The following RAB3IP variants were observed in gnomAD, a reference collection of about 807,000 sequenced individuals.
RAB3IP encodes the protein rab-3A-interacting protein.
A neutral mutation model predicts 59.1 loss-of-function variants in RAB3IP; 36 were observed. That is an observed-to-expected ratio of 0.61 (90% CI 0.47 to 0.80). The LOEUF is 0.80. RAB3IP is among the 30% of genes least tolerant of loss of function. The probability of loss-of-function intolerance (pLI) is 0.00; values close to 1 mark genes in which losing one functional copy is unlikely to be tolerated. For missense variants in RAB3IP, 511 were observed against 536.0 expected (o/e 0.95, Z 0.46); for synonymous variants, 207 against 191.2 (o/e 1.08, Z -0.68).
chr12:69,775,277 T>C (rs1192670956), intron 3 of RAB3IP, among the ~76,000 whole-genome samples: 2 of 104,766 alleles, frequency 1.9e-5, no homozygotes, highest in Non-Finnish European at 3.8e-5. Flanking sequence ...CCTGAGACTT[T>C]GCTGAAGTTG....
intron 3 of RAB3IP, among the ~76,000 whole-genome samples, chr12:69,780,283 C>T (rs1207513488): frequency 6.6e-6 from 1 of 152,184 alleles, no homozygotes; most frequent in Non-Finnish European, 1.5e-5. Context: ...ACTGGGACCC[C>T]TTACACTCTG....
intron 3 of RAB3IP, among the ~76,000 whole-genome samples, chr12:69,781,557 A>G (rs1038501720): frequency 2.6e-5 from 4 of 152,200 alleles, no homozygotes; most frequent in African/African-American, 9.6e-5. Flanking sequence ...AACCCTGGCA[A>G]CCACTGATCT....
At chr12:69,797,863 T>C (rs1877748996) in intron 6 of RAB3IP, among the ~76,000 whole-genome samples, 1 of 152,226 alleles carries the variant, frequency 6.6e-6, no homozygotes, top group African/African-American at 2.4e-5. Context: ...TCATCATTTT[T>C]TATGGCTACA....
chr12:69,791,616 A>G (rs751413720), intron 4 of RAB3IP, among the ~76,000 whole-genome samples: 2 of 152,186 alleles, frequency 1.3e-5, no homozygotes, highest in African/African-American at 4.8e-5. Flanking sequence ...CCCCAATGAG[A>G]TAGCACCCCA....
rs145294371 is a variant in RAB3IP, at chr12:69,795,138, A to G, written c.685-3A>G. 1.9e-3 allele frequency: 3,127 copies of G among 1,609,830 alleles called. 51 individuals are homozygous for G. The African/African-American group carries it at 0.037, about 19-fold the overall frequency. On this transcript the variant is annotated splice_polypyrimidine_tract_variant and splice_region_variant and intron_variant, in intron 5 of 10. Transcript: ENST00000247833. ...TATGTGACTATGTTGATTTCTTTCC[A>G]AGATTGATGTACTTCAAGCTGAAGT...
In RAB3IP at chr12:69,809,270, C is replaced by G. The variant is rs530679495; in HGVS notation, c.1131-3508C>G. ...TCTAGAGTTTCTGCCGAGAGATCAGCTGTTAGTCTGATGGGCTTCCCTTTG... is the reference window on the plus strand; with the variant it reads ...TCTAGAGTTTCTGCCGAGAGATCAGGTGTTAGTCTGATGGGCTTCCCTTTG... On this transcript the variant is annotated intron_variant, in intron 8 of 10. Coordinates refer to ENST00000247833, the MANE Select transcript of RAB3IP (RefSeq NM_022456.5). 3.9e-5 allele frequency among the ~76,000 whole-genome samples: 6 copies of G among 152,300 alleles called. No homozygotes were observed. In the South Asian group the frequency reaches 1.0e-3, roughly 26 times the overall value.
At chr12:69,742,330 C>G (rs1162983339) in intron 1 of RAB3IP, among the ~76,000 whole-genome samples, 1 of 152,190 alleles carries the variant, frequency 6.6e-6, no homozygotes, top group African/African-American at 2.4e-5. Flanking sequence ...ATCCTAAAAA[C>G]AAAATATCTG....
chr12:69,790,252 A>G lies in RAB3IP; in HGVS notation c.607-4185A>G, dbSNP rs961821948. 2.0e-5 allele frequency among the ~76,000 whole-genome samples: 3 copies of G among 152,252 alleles called. No homozygotes were observed. The South Asian group carries it at 6.2e-4, about 31-fold the overall frequency. On this transcript the variant is annotated intron_variant, in intron 4 of 10. Coordinates refer to ENST00000247833, the MANE Select transcript of RAB3IP (RefSeq NM_022456.5). ...ACAAAAATTAATGATGTTTTTATAC[A>G]TGGACAACCAGTTACCTGAAAAGGA...
At chr12:69,799,097 C>T (rs964749877) in intron 6 of RAB3IP, among the ~76,000 whole-genome samples, 2 of 152,072 alleles carry the variant, frequency 1.3e-5, no homozygotes, top group African/African-American at 4.8e-5. Flanking sequence ...TGCTTTGATT[C>T]AAGGAATTTA....
intron 8 of RAB3IP, among the ~76,000 whole-genome samples, chr12:69,802,763 A>G (rs1412977887): frequency 1.3e-5 from 2 of 152,306 alleles, no homozygotes; most frequent in South Asian, 2.1e-4. Context: ...GCTTGTTTCT[A>G]TTCCCTGTTA....
chr12:69,784,744 T>A lies in RAB3IP; in HGVS notation c.535T>A (p.Cys179Ser). 6.2e-7 allele frequency: 1 copy of A among 1,607,102 alleles called. No individual in the cohort carries two copies. The highest frequency in any genetic ancestry group is 8.5e-7 in the Non-Finnish European group (1 of 1,175,756). Residue 179 changes from cysteine (C) to serine (S), a missense_variant, in exon 4 of 11, where the codon TGT becomes AGT. Cys to Ser is a moderately radical substitution (Grantham distance 112). Coordinates refer to ENST00000247833, the MANE Select transcript of RAB3IP (RefSeq NM_022456.5). ...GGAACTGAAGTTAAAAGATGAAGAA[T>A]GTGAGAGGCTTTCAAAAGTGCGAGA... ...QRELKLKDEE[C>S]ERLSKVRDQL...
chr12:69,744,640 C>G (rs182728526), intron 1 of RAB3IP, among the ~76,000 whole-genome samples: 111 of 150,612 alleles, frequency 7.4e-4, no homozygotes, highest in African/African-American at 2.3e-3. Flanking sequence ...TGCAGTGAGC[C>G]GAGATTGTGC....
At chr12:69,766,791 G>T (rs1242813251) in intron 3 of RAB3IP, among the ~76,000 whole-genome samples, 2 of 152,234 alleles carry the variant, frequency 1.3e-5, no homozygotes, top group South Asian at 4.1e-4. Flanking sequence ...CTCCCAAAGT[G>T]CTGGGATTAC....
At chr12:69,758,772 T>TTC (rs1278047889) in intron 3 of RAB3IP, among the ~76,000 whole-genome samples, 8 of 147,808 alleles carry the variant, frequency 5.4e-5, no homozygotes, top group Non-Finnish European at 8.9e-5. Flanking sequence ...TTTTTTTTTT[T>TTC]TTTTTTTTTA....
intron 1 of RAB3IP, among the ~76,000 whole-genome samples, chr12:69,754,333 AGATACACGGG>A: frequency 1.0e-5 from 1 of 99,138 alleles, no homozygotes; most frequent in South Asian, 3.9e-4. Flanking sequence ...ACACATACAC[AGATACACGGG>A]CACACACACA....
At chr12:69,795,382 T>C in intron 6 of RAB3IP, 38 bp downstream of exon 6, 1 of 1,517,558 alleles carries the variant, frequency 6.6e-7, no homozygotes, top group Non-Finnish European at 9.1e-7. Context: ...ACTCTGTTGA[T>C]ACTTGTTAGT....
At chr12:69,756,793 G>T in intron 3 of RAB3IP, 130 bp downstream of exon 3, 2 of 749,402 alleles carry the variant, frequency 2.7e-6, no homozygotes, top group Non-Finnish European at 4.2e-6. Flanking sequence ...CCCAGCCTCA[G>T]CTCCTGTTAG....
chr12:69,817,837 CTA>C lies in RAB3IP; in HGVS notation c.*2392_*2393del, dbSNP rs1881301879. ...GAGGCAATATCTGCAACATTTATAA[CTA>C]GTAATAGCTTAGTATCAAGAATGTA... On this transcript the variant is annotated 3_prime_UTR_variant, in exon 11 of 11. Coordinates refer to ENST00000247833, the MANE Select transcript of RAB3IP (RefSeq NM_022456.5). The C allele has an allele frequency of 6.6e-6, 1 of 151,692 alleles. No individual in the cohort carries two copies. Among genetic ancestry groups the C allele is most frequent in the Admixed American group, 6.6e-5 (1 of 15,216 alleles). 9.4% of individuals were successfully genotyped at this position (151,692 alleles called of 1,614,324 possible).
intron 10 of RAB3IP, among the ~76,000 whole-genome samples, chr12:69,813,241 T>G (rs1162358182): frequency 6.6e-6 from 1 of 152,164 alleles, no homozygotes; most frequent in Non-Finnish European, 1.5e-5. Context: ...TTTAATTATT[T>G]TATTTGCCTC....
Sources: gnomAD v4.1 joint callset for allele counts (sites outside exome capture counted in the v4.1 genomes callset) on GRCh38, gnomAD v4.1.1 for gene constraint, MANE v1.5 for transcripts, NCBI Gene and HGNC (gene_info 2026-07-23, HGNC 2026-07-21) for gene names.